HADHA: variants seen among roughly 807,000 people sequenced by gnomAD.
The protein encoded by HADHA is hydroxyacyl-CoA dehydrogenase trifunctional multienzyme complex subunit alpha, also known as trifunctional enzyme subunit alpha, mitochondrial.
In HADHA, 59 loss-of-function variants were observed where a neutral mutation model predicts 91.3. That is an observed-to-expected ratio of 0.65 (90% confidence interval 0.52 to 0.80). HADHA has a LOEUF of 0.80. HADHA is among the 30% of genes least tolerant of loss of function. The probability of loss-of-function intolerance (pLI) is 0.00; values close to 1 mark genes in which losing one functional copy is unlikely to be tolerated. For synonymous variants in HADHA, 320 were observed against 338.9 expected (o/e 0.94, Z 0.61); for missense variants, 800 against 927.6 (o/e 0.86, Z 1.79).
intron 11 of HADHA, among the ~76,000 whole-genome samples, chr2:26,205,857 A>G (rs1669959196): frequency 6.6e-6 from 1 of 152,194 alleles, no homozygotes; most frequent in South Asian, 2.1e-4. Context: ...AGACAACCAT[A>G]GAATGGGAAG....
At chr2:26,225,852 A>G (rs1473821726) in intron 7 of HADHA, among the ~76,000 whole-genome samples, 1 of 152,194 alleles carries the variant, frequency 6.6e-6, no homozygotes, top group Non-Finnish European at 1.5e-5. Context: ...CATTGTGGTA[A>G]GTCAAGAAAA....
At chr2:26,202,844 A>G (rs1669881270) in intron 12 of HADHA, among the ~76,000 whole-genome samples, 1 of 152,258 alleles carries the variant, frequency 6.6e-6, no homozygotes, top group South Asian at 2.1e-4. Context: ...TCAGCATTCA[A>G]AACATTATCA....
At position 26,192,356 on chromosome 2, in the gene HADHA, T is replaced by C. The variant is rs930475617; in HGVS notation, c.1954A>G (p.Met652Val). Residue 652 changes from methionine to valine, a missense_variant, in exon 18 of 20, where the codon ATG becomes GTG. By Grantham distance (21) the Met-to-Val change is conservative (BLOSUM62 1). Transcript: ENST00000380649. ...TTCAGACTCGCTAAAATACTATCCATGTCAGAATTCAAATCCTTCCTCTTC... is the reference window on the plus strand; with the variant it reads ...TTCAGACTCGCTAAAATACTATCCACGTCAGAATTCAAATCCTTCCTCTTC... ...GVKRKDLNSD[M>V]DSILASLKLP... 10 of 1,610,382 alleles carry C rather than the reference T, an allele frequency of 6.2e-6. No individual in the cohort carries two copies. The highest frequency in any genetic ancestry group is 8.5e-6 in the Non-Finnish European group (10 of 1,176,636).
At position 26,212,982 on chromosome 2, in the gene HADHA, A is replaced by G. The variant is rs1292345542; in HGVS notation, c.919-356T>C. Among the ~76,000 whole-genome samples the G allele has an allele frequency of 2.6e-5, 4 of 152,214 alleles. No individual in the cohort carries two copies. The South Asian group carries it at 6.2e-4, about 24-fold the overall frequency. ...GATGCATGACCTAGTTTATCACATT[A>G]ATGAACTCTACAAAATTCAATGTAA... On this transcript the variant is annotated intron_variant, in intron 9 of 19. Transcript: ENST00000380649.
Position 26,239,021 on chromosome 2 carries a change from G to GAA in HADHA, c.110-18_110-17insTT. 1 of 1,590,744 alleles carries GAA rather than the reference G, an allele frequency of 6.3e-7. No homozygotes were observed. Among genetic ancestry groups the GAA allele is most frequent in the Non-Finnish European group, 8.6e-7 (1 of 1,158,816 alleles). On this transcript the variant is annotated splice_polypyrimidine_tract_variant and intron_variant, in intron 2 of 19. Coordinates refer to ENST00000380649, the MANE Select transcript of HADHA (RefSeq NM_000182.5). ...GGGTTCTGGCTAAAAAGAAAAGAAA[G>GAA]ATTTATTTGTAAACATATTTATTGC...
At chr2:26,243,607 T>G (rs901997818) in intron 1 of HADHA, among the ~76,000 whole-genome samples, 2 of 152,128 alleles carry the variant, frequency 1.3e-5, no homozygotes, top group Non-Finnish European at 2.9e-5. Flanking sequence ...GCATACTACT[T>G]CAGCGGTTCC....
chr2:26,191,764 T>C, intron 18 of HADHA, 136 bp from the exon 19 acceptor site: 1 of 880,964 alleles, frequency 1.1e-6, no homozygotes, highest in Non-Finnish European at 1.9e-6. Context: ...TCAGAGAAGA[T>C]GCTGCCTGGG....
chr2:26,215,281 T>C, intron 7 of HADHA, 106 bp from the exon 8 acceptor site: 1 of 990,606 alleles, frequency 1.0e-6, no homozygotes, highest in Non-Finnish European at 1.6e-6. Context: ...CAGCGTTCCA[T>C]TTCAGACTGG....
At chr2:26,223,540 G>C (rs1392637668) in intron 7 of HADHA, among the ~76,000 whole-genome samples, 4 of 152,162 alleles carry the variant, frequency 2.6e-5, no homozygotes, top group Non-Finnish European at 5.9e-5. Context: ...ACCAAACCTG[G>C]TACACAGCCA....
In HADHA at chr2:26,214,713, C is replaced by A; in HGVS notation, c.800-152G>T. ...CACACAATATAAATTTCAACCTAAG[C>A]ACTACCTTAAACATGCTAAGTGATG... is the stretch of plus-strand genomic sequence containing the variant. On this transcript the variant is annotated intron_variant, in intron 8 of 19. Transcript: ENST00000380649. This position sits in a 1 kb window ranked among gnomAD's most constrained non-coding sequence, Gnocchi z 4.1. The A allele has an allele frequency of 1.5e-6, 1 of 659,924 alleles. No homozygotes were observed. Among genetic ancestry groups the A allele is most frequent in the Admixed American group, 2.4e-5 (1 of 41,240 alleles). The allele number at this position is 659,924 out of a possible 1,614,324, so 40.9% of individuals were successfully genotyped here.
At chr2:26,224,160 C>A (rs1285802358) in intron 7 of HADHA, among the ~76,000 whole-genome samples, 1 of 152,200 alleles carries the variant, frequency 6.6e-6, no homozygotes, top group African/African-American at 2.4e-5. Flanking sequence ...AGATGTCCCC[C>A]ACTTGTATGC....
chr2:26,204,096 C>T lies in HADHA; in HGVS notation c.1186G>A (p.Ala396Thr), dbSNP rs770481891. The T allele has an allele frequency of 1.2e-6, 2 of 1,613,830 alleles. No homozygotes were observed. The highest frequency in any genetic ancestry group is 1.1e-5 in the South Asian group (1 of 91,082). The change falls in exon 12 of 20, where the codon GCG becomes ACG. Residue 396 changes from alanine to threonine, a missense_variant. By Grantham distance (58) the Ala-to-Thr change is moderately conservative. Coordinates refer to ENST00000380649, the MANE Select transcript of HADHA (RefSeq NM_000182.5). ...ACTTGTTGCTGTCCTCGGTCTAGCG[C>T]AGTGAGGGTGGCATCTTTAAGTATA... ...KTILKDATLT[A>T]LDRGQQQVFK...
rs1669507749 is a variant in HADHA, at chr2:26,191,624, A to C, written c.2005T>G (p.Ser669Ala). Reference protein sequence around the residue: ...LKLPPKSEVSSDEDIQFRLVT... With the variant: ...LKLPPKSEVSADEDIQFRLVT... The stretch of plus-strand genomic sequence containing the variant: ...AGGCGGAACTGGATGTCTTCGTCTG[A>C]TGAGCTGCCAACAGAAAGAGATGTT... The change falls in exon 19 of 20, where the codon TCA (serine) becomes GCA (alanine). Residue 669 changes from serine to alanine, a missense_variant. Coordinates refer to ENST00000380649, the MANE Select transcript of HADHA (RefSeq NM_000182.5). 6.2e-7 allele frequency: 1 copy of C among 1,613,992 alleles called. No individual in the cohort carries two copies. The highest frequency in any genetic ancestry group is 8.5e-7 in the Non-Finnish European group (1 of 1,179,914).
intron 10 of HADHA, among the ~76,000 whole-genome samples, chr2:26,211,709 G>A (rs984475191): frequency 2.0e-5 from 3 of 152,140 alleles, no homozygotes; most frequent in African/African-American, 7.2e-5. Flanking sequence ...ACCATTCTTC[G>A]ATGATCGTTT....
intron 4 of HADHA, among the ~76,000 whole-genome samples, chr2:26,235,534 C>T (rs1670726472): frequency 6.6e-6 from 1 of 152,212 alleles, no homozygotes; most frequent in Admixed American, 6.5e-5. Context: ...TAGCTACTGC[C>T]AGGTACATCA....
At chr2:26,198,921 G>C (rs1024187108) in intron 13 of HADHA, among the ~76,000 whole-genome samples, 2 of 148,920 alleles carry the variant, frequency 1.3e-5, no homozygotes, top group African/African-American at 5.0e-5. Context: ...TGGAGACAAA[G>C]TCTTGCTTTT....
chr2:26,195,209 A>C lies in HADHA; in HGVS notation c.1503T>G (p.Ser501=), dbSNP rs1558315563. ...CCAGCAGCTGCATCTTGTCCACGGG[A>C]GAGAAGTAGTGCATGCCAATCACCT... is the stretch of plus-strand genomic sequence containing the variant. The part of the protein sequence containing the change: ...PEKVIGMHYF[S]PVDKMQLLEI... The change falls in exon 15 of 20, where the codon TCT becomes TCG. Residue 501 remains serine, a synonymous_variant. Coordinates refer to ENST00000380649, the MANE Select transcript of HADHA (RefSeq NM_000182.5). 1 of 1,613,228 alleles carries C rather than the reference A, an allele frequency of 6.2e-7. No individual in the cohort carries two copies. Among genetic ancestry groups the C allele is most frequent in the African/African-American group, 1.3e-5 (1 of 74,980 alleles).
intron 7 of HADHA, among the ~76,000 whole-genome samples, chr2:26,218,082 G>C (rs1670282050): frequency 6.6e-6 from 1 of 152,160 alleles, no homozygotes; most frequent in South Asian, 2.1e-4. Context: ...GCGGTGGGCA[G>C]ATCACTTGAG....
In HADHA at chr2:26,214,605, G is replaced by T. The variant is rs1670175554; in HGVS notation, c.800-44C>A. 2.0e-6 allele frequency: 2 copies of T among 1,009,688 alleles called. No individual in the cohort carries two copies. The highest frequency in any genetic ancestry group is 3.2e-6 in the Non-Finnish European group (2 of 629,672). The allele number at this position is 1,009,688 out of a possible 1,614,324, so 62.5% of individuals were successfully genotyped here. On this transcript the variant is annotated intron_variant, in intron 8 of 19. Transcript: ENST00000380649. The surrounding 1 kb of genome is among the most constrained non-coding windows in gnomAD (Gnocchi z 4.1). ...TTAGATATTTACTATAAAGAGCCTAGATTCCCTTGTTAGTTTATGCTCTAA... is the reference window on the plus strand; with the variant it reads ...TTAGATATTTACTATAAAGAGCCTATATTCCCTTGTTAGTTTATGCTCTAA...
Sources: gnomAD v4.1 joint callset for allele counts (sites outside exome capture counted in the v4.1 genomes callset) on GRCh38, gnomAD v4.1.1 for gene constraint, Gnocchi (gnomAD v3.1) non-coding constraint, MANE v1.5 for transcripts, NCBI Gene and HGNC (gene_info 2026-07-23, HGNC 2026-07-21) for gene names.